The following FDX2 variants were observed in gnomAD, a reference collection of about 807,000 sequenced individuals.
The protein encoded by FDX2 is ferredoxin-2, mitochondrial.
Under a neutral mutation model 18.5 loss-of-function variants are expected in FDX2, and 13 were observed. The ratio of observed to expected loss-of-function variants is 0.70; its 90% CI spans 0.46 to 1.12. The LOEUF (loss-of-function observed/expected upper bound fraction) is 1.12, where lower values mean the gene tolerates loss of function less well. FDX2 is among the 50% of genes most tolerant of loss of function. The probability of loss-of-function intolerance (pLI) is 0.00; values close to 1 mark genes in which losing one functional copy is unlikely to be tolerated. For synonymous variants in FDX2, 132 were observed against 106.2 expected, an observed-to-expected ratio of 1.24 and a Z score of -1.49; for missense variants, 238 against 250.4, an observed-to-expected ratio of 0.95 and a Z score of 0.34.
intron 2 of FDX2, 80 bp downstream of exon 2, chr19:10,315,625 G>T: frequency 1.3e-6 from 2 of 1,521,896 alleles, no homozygotes; most frequent in South Asian, 2.4e-5. Flanking sequence ...GGGGGACCTC[G>T]AGATGAAGCT....
intron 3 of FDX2, 62 bp downstream of exon 3, chr19:10,315,324 T>TTG (rs2040369774): frequency 1.0e-6 from 1 of 979,276 alleles, no homozygotes; most frequent in South Asian, 1.9e-5. Context: ...TGTGGGTTTT[T>TTG]TTTTTTTTTT....
chr19:10,310,130 C>A lies in FDX2; in HGVS notation c.*356G>T. ...TCCTGGCCTCAAGTGATCCTCCCAT[C>A]TTGGCTTCCCAAAGTGCTAGGATTA... On this transcript the variant is annotated 3_prime_UTR_variant, in exon 5 of 5. Transcript: ENST00000393708. 2 of 250,530 alleles carry A rather than the reference C, an allele frequency of 8.0e-6. 1 individual carries two copies. The highest frequency in any genetic ancestry group is 1.6e-5 in the Non-Finnish European group (2 of 128,770). The allele number at this position is 250,530 out of a possible 1,614,324, so 15.5% of individuals were successfully genotyped here.
intron 3 of FDX2, among the ~76,000 whole-genome samples, chr19:10,315,107 AAAC>A (rs553472152): frequency 1.4e-3 from 217 of 152,206 alleles, no homozygotes; most frequent in African/African-American, 4.7e-3. Context: ...CTCCATCTCA[AAAC>A]AACAACAACA....
chr19:10,315,286 A>G lies in FDX2; in HGVS notation c.316+100T>C, dbSNP rs1056399217. 15 of 957,422 alleles carry G rather than the reference A, an allele frequency of 1.6e-5. No homozygotes were observed. The Admixed American group carries it at 3.5e-4, about 23-fold the overall frequency. The allele number at this position is 957,422 out of a possible 1,614,324, so 59.3% of individuals were successfully genotyped here. A position where few individuals can be genotyped will look rare whatever the true frequency, so the allele number is the denominator to read the frequency against. On this transcript the variant is annotated intron_variant, in intron 3 of 4. Transcript: ENST00000393708. The stretch of plus-strand genomic sequence containing the variant: ...TGGATTTTAGTCCATATTTGGTGGG[A>G]AAAAGACGTGAAGAGACACACCTAA...
intron 4 of FDX2, 40 bp from the exon 5 acceptor site, chr19:10,310,682 T>C: frequency 7.0e-7 from 1 of 1,429,086 alleles, no homozygotes; most frequent in Non-Finnish European, 9.3e-7. Flanking sequence ...GAGGGCAAGC[T>C]AGCTGGGTGG....
chr19:10,311,284 T>C (rs986088660), intron 3 of FDX2, among the ~76,000 whole-genome samples: 1 of 152,204 alleles, frequency 6.6e-6, no homozygotes, highest in Admixed American at 6.5e-5. Context: ...GAGCCCTTGC[T>C]GTGACCCTAT....
Position 10,315,377 on chromosome 19 carries a change from G to A in FDX2, c.316+9C>T, listed in dbSNP as rs776052812. On this transcript the variant is annotated intron_variant, in intron 3 of 4. Transcript: ENST00000393708. ...AGGACCTCCTTAATTCCCTCTGCCC[G>A]GTTCCTACCTTCCAGGTCCACCCCG... 9.8e-6 allele frequency: 15 copies of A among 1,533,684 alleles called. No individual in the cohort carries two copies. Among genetic ancestry groups the A allele is most frequent in the Non-Finnish European group, 1.3e-5 (15 of 1,126,408 alleles).
intron 3 of FDX2, among the ~76,000 whole-genome samples, chr19:10,313,139 G>A (rs8101195): frequency 0.85 from 129,140 of 152,190 alleles, 55,531 homozygotes; most frequent in African/African-American, 0.96. Context: ...CTCTGTCTCA[G>A]ATAAATAAAT....
At chr19:10,315,283 G>A in intron 3 of FDX2, 103 bp downstream of exon 3, 1 of 918,242 alleles carries the variant, frequency 1.1e-6, no homozygotes, top group East Asian at 2.7e-5. Context: ...CATATTTGGT[G>A]GGAAAAAGAC....
At chr19:10,314,742 G>C (rs1192695510) in intron 3 of FDX2, among the ~76,000 whole-genome samples, 1 of 152,228 alleles carries the variant, frequency 6.6e-6, no homozygotes, top group Non-Finnish European at 1.5e-5. Context: ...AAGCACTTCA[G>C]ACAGAGGGAA....
chr19:10,310,955 T>A lies in FDX2; in HGVS notation c.317-15A>T, dbSNP rs1019977880. 5 of 1,597,788 alleles carry A rather than the reference T, an allele frequency of 3.1e-6. 1 individual carries two copies. Among genetic ancestry groups the A allele is most frequent in the Non-Finnish European group, 4.3e-6 (5 of 1,169,316 alleles). The stretch of plus-strand genomic sequence containing the variant: ...TTCACAGGCCCCTAGGGGTGGGAAG[T>A]GAAGGGGGCGCAGGTGAGTGGCAGA... On this transcript the variant is annotated splice_polypyrimidine_tract_variant and intron_variant, in intron 3 of 4. Transcript: ENST00000393708.
rs138346574 is a variant in FDX2 at position 10,315,914 on chromosome 19, C to G, written c.92G>C (p.Gly31Ala). 8.4e-4 allele frequency: 1,360 copies of G among 1,610,696 alleles called. 11 individuals carry two copies. The African/African-American group carries it at 0.017, about 20-fold the overall frequency. ...CCCCTCCCCCGACCCGGAAGTGCCCCCAGGTCTGTTCCACCAGGTGCCCCT... is the reference window on the plus strand; with the variant it reads ...CCCCTCCCCCGACCCGGAAGTGCCCGCAGGTCTGTTCCACCAGGTGCCCCT... Residue 31 changes from glycine to alanine, a missense_variant, in exon 1 of 5, where the codon GGG becomes GCG. By Grantham distance (60) the Gly-to-Ala change is moderately conservative. Coordinates refer to ENST00000393708, the MANE Select transcript of FDX2 (RefSeq NM_001031734.4).
Position 10,310,449 on chromosome 19 carries a change from G to A in FDX2, c.*37C>T. 1.9e-6 allele frequency: 3 copies of A among 1,613,340 alleles called. No homozygotes were observed. Among genetic ancestry groups the A allele is most frequent in the Non-Finnish European group, 8.5e-7 (1 of 1,179,432 alleles). On this transcript the variant is annotated 3_prime_UTR_variant, in exon 5 of 5. Coordinates refer to ENST00000393708, the MANE Select transcript of FDX2 (RefSeq NM_001031734.4). ...TGGCTATTCCCTCAATCTGGGCCCT[G>A]GGGCCATGGCAATGTGGAATGGTCC...
chr19:10,311,023 C>G, intron 3 of FDX2, 83 bp from the exon 4 acceptor site: 1 of 979,236 alleles, frequency 1.0e-6, no homozygotes, highest in South Asian at 1.6e-5. Context: ...AGGAGTAGAC[C>G]TCTCTTCCAC....
chr19:10,310,795 G>A, intron 4 of FDX2, 58 bp downstream of exon 4: 1 of 1,561,328 alleles, frequency 6.4e-7, no homozygotes, highest in Non-Finnish European at 8.8e-7. Context: ...GGAGGATGGT[G>A]GGGGCTGCTG....
At chr19:10,315,791 C>T in intron 1 of FDX2, 32 bp from the exon 2 acceptor site, 5 of 1,600,698 alleles carry the variant, frequency 3.1e-6, no homozygotes, top group East Asian at 4.5e-5. Flanking sequence ...GCGGCTGCGC[C>T]GAGCCCCGCC....
rs764391693 is a variant in FDX2, at chr19:10,310,517, TAGA to T, written c.527_529del (p.Phe176del). On this transcript the variant is annotated inframe_deletion, in exon 5 of 5. Transcript: ENST00000393708. ...GGGCTTGGGGACATGGCCATCCACGTAGAAGTTCCTGGTGATCTTGGGCAGGGT... is the reference window on the plus strand; with the variant it reads ...GGGCTTGGGGACATGGCCATCCACGTAGTTCCTGGTGATCTTGGGCAGGGT... The T allele has an allele frequency of 6.2e-7, 1 of 1,613,992 alleles. No individual in the cohort carries two copies. Among genetic ancestry groups the T allele is most frequent in the African/African-American group, 1.3e-5 (1 of 74,920 alleles).
At chr19:10,310,690 TGGGTGGGGGGCCAGAGGTGG>T in intron 4 of FDX2, 48 bp from the exon 5 acceptor site, 1 of 331,048 alleles carries the variant, frequency 3.0e-6, no homozygotes, top group Non-Finnish European at 4.4e-6. Context: ...GCTAGCTGGG[TGGGTGGGGGGCCAGAGGTGG>T]GGGAGGGAGG....
intron 3 of FDX2, among the ~76,000 whole-genome samples, chr19:10,311,572 A>G (rs1303511839): frequency 1.5e-5 from 2 of 136,264 alleles, no homozygotes; most frequent in Admixed American, 1.4e-4. Context: ...TAATTTTTTT[A>G]TATTTTTTTA....
Sources: gnomAD v4.1 joint callset for allele counts (sites outside exome capture counted in the v4.1 genomes callset) on GRCh38, gnomAD v4.1.1 for gene constraint, MANE v1.5 for transcripts, NCBI Gene and HGNC (gene_info 2026-07-23, HGNC 2026-07-21) for gene names.